Variants in SNX29 observed in about 807,000 individuals in gnomAD.
The protein encoded by SNX29 is sorting nexin-29.
SNX29 carries 78 observed loss-of-function variants against 102.1 expected under a neutral mutation model. The ratio of observed to expected loss-of-function variants is 0.76; its 90% CI spans 0.64 to 0.92. The LOEUF is 0.92. Among genes scored for constraint, SNX29 ranks in the 40% least tolerant of loss-of-function variants. The probability of loss-of-function intolerance (pLI) is 0.00; values close to 1 mark genes in which losing one functional copy is unlikely to be tolerated. For synonymous variants in SNX29, 580 were observed against 414.5 expected (o/e 1.40, Z -4.85); for missense variants, 1,280 against 1,061.7 (o/e 1.21, Z -2.86).
At chr16:12,516,864 G>A (rs531920000) in intron 19 of SNX29, among the ~76,000 whole-genome samples, 1 of 152,284 alleles carries the variant, frequency 6.6e-6, no homozygotes, top group Admixed American at 6.5e-5. Flanking sequence ...GGAAATACAG[G>A]GGGCGGGGCC....
chr16:12,425,665 A>G (rs2085045327), intron 18 of SNX29, among the ~76,000 whole-genome samples: 1 of 152,088 alleles, frequency 6.6e-6, no homozygotes, highest in Non-Finnish European at 1.5e-5. Context: ...TTTAAATCCC[A>G]GGGCAGCCTG....
chr16:12,023,620 T>C (rs1208536930), intron 3 of SNX29, among the ~76,000 whole-genome samples: 1 of 151,706 alleles, frequency 6.6e-6, no homozygotes, highest in African/African-American at 2.4e-5. Context: ...GAAAGAACTC[T>C]ACTAAAGCTA....
chr16:12,024,293 C>T (rs2057126251), intron 3 of SNX29, among the ~76,000 whole-genome samples: 1 of 152,064 alleles, frequency 6.6e-6, no homozygotes, highest in Admixed American at 6.6e-5. Flanking sequence ...CATGTGCCGC[C>T]ACACCCAGCT....
intron 18 of SNX29, among the ~76,000 whole-genome samples, chr16:12,464,768 A>G (rs955713395): frequency 6.6e-6 from 1 of 152,180 alleles, no homozygotes; most frequent in African/African-American, 2.4e-5. Flanking sequence ...TTTTCTTTAG[A>G]TATATATCCA....
intron 19 of SNX29, among the ~76,000 whole-genome samples, chr16:12,498,535 C>T (rs1405801092): frequency 6.6e-6 from 1 of 152,186 alleles, no homozygotes; most frequent in African/African-American, 2.4e-5. Context: ...CCATTCTGCA[C>T]ATCTTTCATG....
At chr16:12,553,455 C>G (rs76479978) in intron 20 of SNX29, among the ~76,000 whole-genome samples, 1,903 of 152,126 alleles carry the variant, frequency 0.013, 30 homozygotes, top group African/African-American at 0.043. Flanking sequence ...ATGGTGTAGA[C>G]CAGCTCAGAC....
chr16:12,441,302 A>G (rs778459380), intron 18 of SNX29, among the ~76,000 whole-genome samples: 5 of 151,834 alleles, frequency 3.3e-5, no homozygotes, highest in African/African-American at 4.8e-5. Flanking sequence ...GTTAGTCAGG[A>G]TGGTACCAAT....
chr16:12,517,182 A>G (rs1028554485), intron 19 of SNX29, among the ~76,000 whole-genome samples: 1 of 152,194 alleles, frequency 6.6e-6, no homozygotes, highest in Admixed American at 6.5e-5. Flanking sequence ...CAGCCCCTAG[A>G]GAAGTCTGGC....
intron 10 of SNX29, among the ~76,000 whole-genome samples, chr16:12,069,381 T>C (rs542427379): frequency 6.6e-6 from 1 of 151,998 alleles, no homozygotes; most frequent in Non-Finnish European, 1.5e-5. Flanking sequence ...TTCTCTTGCC[T>C]GAGCCTCCCA....
chr16:12,535,355 C>T (rs541213205), intron 20 of SNX29, among the ~76,000 whole-genome samples: 8 of 152,150 alleles, frequency 5.3e-5, no homozygotes, highest in Non-Finnish European at 1.0e-4. Context: ...AGGCTGGTCT[C>T]GAACTCCTGG....
At chr16:12,139,129 C>T (rs1287983845) in intron 13 of SNX29, among the ~76,000 whole-genome samples, 3 of 136,688 alleles carry the variant, frequency 2.2e-5, no homozygotes, top group Non-Finnish European at 4.5e-5. Flanking sequence ...GCCCAGGAGG[C>T]AGAGGCTGCG....
chr16:12,148,885 A>G (rs1310405948), intron 13 of SNX29, among the ~76,000 whole-genome samples: 1 of 151,954 alleles, frequency 6.6e-6, no homozygotes, highest in African/African-American at 2.4e-5. Flanking sequence ...TATTTTTAGT[A>G]GAGACAGGGT....
chr16:12,122,144 A>G (rs984865404), intron 11 of SNX29, among the ~76,000 whole-genome samples: 1 of 152,126 alleles, frequency 6.6e-6, no homozygotes, highest in Non-Finnish European at 1.5e-5. Context: ...TGGTCTTTTG[A>G]GCACTTGGCT....
intron 13 of SNX29, among the ~76,000 whole-genome samples, chr16:12,158,937 C>T (rs1161861678): frequency 2.0e-5 from 3 of 152,206 alleles, no homozygotes; most frequent in Non-Finnish European, 4.4e-5. Flanking sequence ...GGATCTTTGC[C>T]TGTGGCGTGG....
intron 18 of SNX29, among the ~76,000 whole-genome samples, chr16:12,418,360 A>G (rs1407388894): frequency 7.2e-6 from 1 of 138,026 alleles, no homozygotes; most frequent in African/African-American, 2.6e-5. Context: ...GTTGACGATG[A>G]GGATTGTATT....
At chr16:12,029,071 T>C (rs960122399) in intron 4 of SNX29, among the ~76,000 whole-genome samples, 2 of 152,110 alleles carry the variant, frequency 1.3e-5, no homozygotes, top group African/African-American at 4.8e-5. Flanking sequence ...TTTTGATACA[T>C]GCCTAGAATG....
intron 11 of SNX29, among the ~76,000 whole-genome samples, chr16:12,124,698 C>T (rs916918691): frequency 7.9e-5 from 12 of 152,212 alleles, no homozygotes; most frequent in African/African-American, 2.9e-4. Flanking sequence ...TGCTCAGCTG[C>T]ATTTGTGGAT....
intron 15 of SNX29, among the ~76,000 whole-genome samples, chr16:12,285,179 G>A (rs73506135): frequency 0.032 from 4,810 of 152,234 alleles, 245 homozygotes; most frequent in African/African-American, 0.11. Flanking sequence ...AGTAGATGCC[G>A]TTTCCCTTCA....
intron 9 of SNX29, among the ~76,000 whole-genome samples, chr16:12,063,983 A>G (rs2050903504): frequency 6.6e-6 from 1 of 152,056 alleles, no homozygotes; most frequent in African/African-American, 2.4e-5. Context: ...GGGAGAGAGC[A>G]GGTGGTCCCA....
Sources: gnomAD v4.1 joint callset for allele counts (sites outside exome capture counted in the v4.1 genomes callset) on GRCh38, gnomAD v4.1.1 for gene constraint, MANE v1.5 for transcripts, NCBI Gene and HGNC (gene_info 2026-07-23, HGNC 2026-07-21) for gene names.